Variants in SOBP observed in about 807,000 individuals in gnomAD.
SOBP encodes sine oculis binding protein homolog.
SOBP carries 4 observed loss-of-function variants against 53.6 expected under a neutral mutation model. That is an observed-to-expected ratio of 0.07 (90% confidence interval 0.04 to 0.17). The LOEUF (loss-of-function observed/expected upper bound fraction) is 0.17. Ranked by LOEUF, SOBP falls within the 10% of genes least tolerant of loss-of-function variation. SOBP has a pLI of 1.00. For synonymous variants in SOBP, 584 were observed against 522.6 expected (o/e 1.12, Z -1.60); for missense variants, 1,088 against 1,204.7 (o/e 0.90, Z 1.43).
At chr6:107,564,547 G>A (rs1784862890) in intron 4 of SOBP, among the ~76,000 whole-genome samples, 1 of 143,420 alleles carries the variant, frequency 7.0e-6, no homozygotes, top group African/African-American at 2.9e-5. Flanking sequence ...GGCTGGGGAG[G>A]CTTACTTCCC....
intron 1 of SOBP, among the ~76,000 whole-genome samples, chr6:107,500,739 A>C (rs189159125): frequency 2.0e-5 from 3 of 152,126 alleles, no homozygotes; most frequent in Admixed American, 6.5e-5. Flanking sequence ...GTTAGCCAGG[A>C]TGGTCTCGAT....
chr6:107,548,564 G>C (rs1304717861), intron 4 of SOBP, among the ~76,000 whole-genome samples: 1 of 151,978 alleles, frequency 6.6e-6, no homozygotes, highest in African/African-American at 2.4e-5. Flanking sequence ...AATTTTCAAC[G>C]TTCTTTATCA....
intron 3 of SOBP, among the ~76,000 whole-genome samples, chr6:107,520,759 A>G (rs1301865988): frequency 1.3e-5 from 2 of 152,126 alleles, no homozygotes; most frequent in African/African-American, 4.8e-5. Flanking sequence ...AATGGAGAAG[A>G]CTTAGTTGAT....
intron 4 of SOBP, among the ~76,000 whole-genome samples, chr6:107,574,574 C>T (rs1025875282): frequency 1.3e-5 from 2 of 152,162 alleles, no homozygotes; most frequent in African/African-American, 4.8e-5. Context: ...GGTGAGAAGT[C>T]TGTCAGCTTC....
chr6:107,606,512 C>T (rs897302857), intron 5 of SOBP, among the ~76,000 whole-genome samples: 36 of 152,310 alleles, frequency 2.4e-4, no homozygotes, highest in African/African-American at 8.2e-4. Context: ...GGAAGTTCAG[C>T]CCCCTTCTTC....
intron 4 of SOBP, among the ~76,000 whole-genome samples, chr6:107,539,525 C>A (rs1784094196): frequency 6.6e-6 from 1 of 152,180 alleles, no homozygotes; most frequent in Admixed American, 6.5e-5. Context: ...AGTTTTTTCT[C>A]ATCGGAACTG....
intron 6 of SOBP, among the ~76,000 whole-genome samples, chr6:107,648,063 G>A (rs997761017): frequency 1.1e-4 from 16 of 152,150 alleles, no homozygotes; most frequent in African/African-American, 3.9e-4. Flanking sequence ...TGAATCAAGT[G>A]TGGAGAAGAC....
At chr6:107,543,774 A>G (rs12201611) in intron 4 of SOBP, among the ~76,000 whole-genome samples, 2,848 of 152,312 alleles carry the variant, frequency 0.019, 45 homozygotes, top group East Asian at 0.054. Flanking sequence ...TTGAAAGATA[A>G]AAATGTGGTT....
At chr6:107,653,873 C>T (rs1402065805) in intron 6 of SOBP, among the ~76,000 whole-genome samples, 1 of 152,046 alleles carries the variant, frequency 6.6e-6, no homozygotes, top group African/African-American at 2.4e-5. Flanking sequence ...AAGTCTTAGG[C>T]CATAAAGGTC....
At chr6:107,571,746 T>C (rs1161844013) in intron 4 of SOBP, among the ~76,000 whole-genome samples, 1 of 152,218 alleles carries the variant, frequency 6.6e-6, no homozygotes, top group Non-Finnish European at 1.5e-5. Context: ...ACAAGACATA[T>C]TATAGCTACT....
At chr6:107,506,692 T>C (rs955868332) in intron 3 of SOBP, among the ~76,000 whole-genome samples, 2 of 152,140 alleles carry the variant, frequency 1.3e-5, no homozygotes, top group African/African-American at 2.4e-5. Context: ...ATTTTCCTTC[T>C]CTGAAATCAC....
At chr6:107,591,902 C>T (rs1294449852) in intron 5 of SOBP, among the ~76,000 whole-genome samples, 1 of 151,778 alleles carries the variant, frequency 6.6e-6, no homozygotes, top group Non-Finnish European at 1.5e-5. Context: ...CACCCCCTCC[C>T]ACTTTTTTTG....
intron 4 of SOBP, among the ~76,000 whole-genome samples, chr6:107,543,294 C>T (rs1490362010): frequency 6.6e-6 from 1 of 152,188 alleles, no homozygotes; most frequent in African/African-American, 2.4e-5. Flanking sequence ...GCAAGCTCCC[C>T]AGTGGTCATG....
intron 3 of SOBP, among the ~76,000 whole-genome samples, chr6:107,519,690 C>T (rs118188175): frequency 0.027 from 4,085 of 152,144 alleles, 78 homozygotes; most frequent in Non-Finnish European, 0.043. Context: ...TTCTTTTGTC[C>T]CCTGGGTAGA....
chr6:107,546,168 G>T (rs951766690), intron 4 of SOBP, among the ~76,000 whole-genome samples: 1 of 152,176 alleles, frequency 6.6e-6, no homozygotes, highest in Non-Finnish European at 1.5e-5. Context: ...AAGACTGTAC[G>T]CATGGACATT....
intron 6 of SOBP, among the ~76,000 whole-genome samples, chr6:107,648,368 C>A (rs1771647824): frequency 6.6e-6 from 1 of 151,912 alleles, no homozygotes; most frequent in Non-Finnish European, 1.5e-5. Context: ...CTAAATTCAT[C>A]TAGGATTTAG....
chr6:107,509,446 C>T (rs962672723), intron 3 of SOBP, among the ~76,000 whole-genome samples: 12 of 150,660 alleles, frequency 8.0e-5, no homozygotes, highest in African/African-American at 2.7e-4. Context: ...AAGCCCTTAG[C>T]ATAGTGCCTG....
intron 4 of SOBP, among the ~76,000 whole-genome samples, chr6:107,584,533 G>A (rs1785506658): frequency 6.6e-6 from 1 of 152,176 alleles, no homozygotes; most frequent in Non-Finnish European, 1.5e-5. Flanking sequence ...AATGGCTGAA[G>A]GATAGAATTT....
chr6:107,546,342 A>G (rs1008295405), intron 4 of SOBP, among the ~76,000 whole-genome samples: 1 of 152,248 alleles, frequency 6.6e-6, no homozygotes, highest in South Asian at 2.1e-4. Flanking sequence ...ATCTTTAAGG[A>G]AAATCAGTTG....
Sources: allele counts gnomAD v4.1 joint callset (sites outside exome capture counted in the v4.1 genomes callset), GRCh38; gene constraint gnomAD v4.1.1; transcripts MANE v1.5; gene names NCBI Gene and HGNC (gene_info 2026-07-23, HGNC 2026-07-21).